TMEM117: variants seen among roughly 807,000 people sequenced by gnomAD.
TMEM117 encodes the protein transmembrane protein 117.
In TMEM117, 27 loss-of-function variants were observed where a neutral mutation model predicts 52.4. That is an observed-to-expected ratio of 0.51 (90% CI 0.38 to 0.71). TMEM117 has a LOEUF of 0.71. TMEM117 is among the 30% of genes least tolerant of loss of function. The probability of loss-of-function intolerance (pLI) is 0.00; values close to 1 mark genes in which losing one functional copy is unlikely to be tolerated. For synonymous variants in TMEM117, 215 were observed against 206.3 expected (o/e 1.04, Z -0.36); for missense variants, 556 against 630.5 (o/e 0.88, Z 1.26).
chr12:43,995,450 C>T (rs771521984), intron 3 of TMEM117, among the ~76,000 whole-genome samples: 5 of 152,076 alleles, frequency 3.3e-5, no homozygotes, highest in Non-Finnish European at 5.9e-5. Flanking sequence ...TTGTTGTTAC[C>T]AGATAGATTG....
In TMEM117 at chr12:44,369,554, G is replaced by T. The variant is rs146130863; in HGVS notation, c.769-7041G>T. 2.0e-3 allele frequency among the ~76,000 whole-genome samples: 298 copies of T among 152,198 alleles called. 2 individuals are homozygous for T. The highest frequency in any genetic ancestry group is 6.7e-3 in the African/African-American group (280 of 41,544). ...TAAGAAAAATGATTGATGAATAAAA[G>T]ATATTAAACAATCCTATAAAATAGA... On this transcript the variant is annotated intron_variant, in intron 6 of 7. Transcript: ENST00000266534.
intron 2 of TMEM117, among the ~76,000 whole-genome samples, chr12:43,909,915 A>G (rs1430814899): frequency 7.5e-6 from 1 of 133,490 alleles, no homozygotes; most frequent in African/African-American, 2.6e-5. Context: ...TATCAGAGGT[A>G]CAAGGAGGAA....
rs185339690 is a variant in TMEM117, at chr12:44,307,931, A to C, written c.768+8192A>C. 1.5e-4 allele frequency among the ~76,000 whole-genome samples: 23 copies of C among 152,348 alleles called. 1 individual carries two copies. The highest frequency in any genetic ancestry group is 1.3e-3 in the Admixed American group (20 of 15,310). Reference sequence around the variant, plus strand: ...TCAATCATGGGTACTGGAGTGACAAACGCATTCACTTGAAAATGAAACTAA... The same window carrying C: ...TCAATCATGGGTACTGGAGTGACAACCGCATTCACTTGAAAATGAAACTAA... On this transcript the variant is annotated intron_variant, in intron 6 of 7. Transcript: ENST00000266534.
chr12:44,030,175 A>C (rs780694227), intron 3 of TMEM117, among the ~76,000 whole-genome samples: 5 of 152,260 alleles, frequency 3.3e-5, no homozygotes, highest in Admixed American at 1.3e-4. Flanking sequence ...TTTAAAGATT[A>C]TTGGTAAAAT....
chr12:44,334,925 G>T lies in TMEM117; in HGVS notation c.768+35186G>T, dbSNP rs142981662. Among the ~76,000 whole-genome samples, 830 of 152,128 alleles carry T rather than the reference G, an allele frequency of 5.5e-3. 13 individuals carry two copies. The highest frequency in any genetic ancestry group is 0.018 in the African/African-American group (759 of 41,528). ...CTGTGATATTATAATTTCACAAGGA[G>T]AGCAAGCCAAAACACAAACAAAAAA... is the stretch of plus-strand genomic sequence containing the variant. On this transcript the variant is annotated intron_variant, in intron 6 of 7. Transcript: ENST00000266534.
At chr12:43,940,788 C>T (rs953649312) in intron 2 of TMEM117, among the ~76,000 whole-genome samples, 34 of 152,188 alleles carry the variant, frequency 2.2e-4, no homozygotes, top group African/African-American at 8.2e-4. Context: ...AGGTGATCCG[C>T]CTGCCTCGGC....
At chr12:43,928,751 C>G (rs1313347019) in intron 2 of TMEM117, among the ~76,000 whole-genome samples, 1 of 124,960 alleles carries the variant, frequency 8.0e-6, no homozygotes, top group Non-Finnish European at 1.6e-5. Flanking sequence ...CCCCTCCCCC[C>G]ACCCCACAAC....
At chr12:43,970,454 A>C (rs898193436) in intron 3 of TMEM117, among the ~76,000 whole-genome samples, 4 of 151,840 alleles carry the variant, frequency 2.6e-5, no homozygotes, top group Admixed American at 6.6e-5. Flanking sequence ...ACACCTGGCT[A>C]ATACTTTATA....
intron 3 of TMEM117, among the ~76,000 whole-genome samples, chr12:43,977,355 T>C (rs563582838): frequency 6.6e-6 from 1 of 152,204 alleles, no homozygotes; most frequent in Non-Finnish European, 1.5e-5. Context: ...TGATACCAGG[T>C]TGGGTCCTAG....
intron 3 of TMEM117, among the ~76,000 whole-genome samples, chr12:44,043,879 G>A (rs1310363351): frequency 2.6e-5 from 4 of 152,158 alleles, no homozygotes; most frequent in Admixed American, 6.5e-5. Context: ...GAGTTGGATC[G>A]GGCTGAATTT....
chr12:44,154,430 G>A (rs985037902), intron 4 of TMEM117, among the ~76,000 whole-genome samples: 1 of 151,962 alleles, frequency 6.6e-6, no homozygotes, highest in East Asian at 1.9e-4. Flanking sequence ...AGAGTGAGAT[G>A]AAACAGAAAA....
chr12:43,932,292 T>A (rs1460522513), intron 2 of TMEM117, among the ~76,000 whole-genome samples: 1 of 151,412 alleles, frequency 6.6e-6, no homozygotes, highest in East Asian at 1.9e-4. Flanking sequence ...TTAATAAAAA[T>A]TCTTTGGTAG....
Position 44,119,616 on chromosome 12 carries a change from T to C in TMEM117, c.411-23909T>C, listed in dbSNP as rs148633877. On this transcript the variant is annotated intron_variant, in intron 3 of 7. Transcript: ENST00000266534. ...ACTTCTGAGACCCTTTGTGGCTTAGTGTGGTGACTCACACCCCAGATCGTC... is the reference window on the plus strand; with the variant it reads ...ACTTCTGAGACCCTTTGTGGCTTAGCGTGGTGACTCACACCCCAGATCGTC... Among the ~76,000 whole-genome samples the C allele has an allele frequency of 3.1e-3, 466 of 152,254 alleles. 6 individuals are homozygous for C. Among genetic ancestry groups the C allele is most frequent in the African/African-American group, 0.01 (420 of 41,554 alleles).
chr12:44,216,729 A>G (rs1356812459), intron 5 of TMEM117, among the ~76,000 whole-genome samples: 1 of 152,188 alleles, frequency 6.6e-6, no homozygotes, highest in African/African-American at 2.4e-5. Context: ...CTCCAGGAGA[A>G]GTTGGAAAGC....
chr12:43,834,001 G>T (rs973839548), upstream of TMEM117, among the ~76,000 whole-genome samples: 2 of 151,896 alleles, frequency 1.3e-5, no homozygotes, highest in Non-Finnish European at 2.9e-5. Flanking sequence ...GCTGAGGTGG[G>T]AGGATCACTT....
chr12:44,027,499 T>G (rs1180127112), intron 3 of TMEM117, among the ~76,000 whole-genome samples: 1 of 152,060 alleles, frequency 6.6e-6, no homozygotes, highest in Non-Finnish European at 1.5e-5. Context: ...ACCTAGACAT[T>G]TTAAAAGAGG....
intron 6 of TMEM117, among the ~76,000 whole-genome samples, chr12:44,370,303 A>G (rs1009330801): frequency 2.0e-5 from 3 of 152,152 alleles, no homozygotes; most frequent in Non-Finnish European, 2.9e-5. Flanking sequence ...GTGATCAATG[A>G]CAAATGGCTC....
rs77309674 is a variant in TMEM117 at position 44,309,882 on chromosome 12, G to T, written c.768+10143G>T. 4.6e-3 allele frequency among the ~76,000 whole-genome samples: 702 copies of T among 151,866 alleles called. 17 individuals carry two copies. The East Asian group carries it at 0.073, about 16-fold the overall frequency. Reference sequence around the variant, plus strand: ...AATGAAATAATATGCTGTATACAAAGTTGAAAACAAAGCACATTGCAGGTG... The same window carrying T: ...AATGAAATAATATGCTGTATACAAATTTGAAAACAAAGCACATTGCAGGTG... On this transcript the variant is annotated intron_variant, in intron 6 of 7. Coordinates refer to ENST00000266534, the MANE Select transcript of TMEM117 (RefSeq NM_032256.3).
the TMEM117 span, among the ~76,000 whole-genome samples, chr12:43,809,262 C>A: frequency 5.9e-5 from 9 of 152,166 alleles, no homozygotes. Flanking sequence ...AGATTCATTT[C>A]TTCTTTACTT....
Sources: allele counts gnomAD v4.1 joint callset (sites outside exome capture counted in the v4.1 genomes callset), GRCh38; gene constraint gnomAD v4.1.1; transcripts MANE v1.5; gene names NCBI Gene and HGNC (gene_info 2026-07-23, HGNC 2026-07-21).